Variants in CSMD1 observed in about 807,000 individuals in gnomAD.
CSMD1 encodes the protein CUB and sushi domain-containing protein 1.
Under a neutral mutation model 417.5 loss-of-function variants are expected in CSMD1, and 213 were observed. The observed-to-expected ratio is 0.51, with a 90% CI of 0.46 to 0.57. The LOEUF (loss-of-function observed/expected upper bound fraction) is 0.57. Among genes scored for constraint, CSMD1 ranks in the 20% least tolerant of loss-of-function variants. CSMD1 has a pLI of 0.00. For synonymous variants in CSMD1, 2,862 were observed against 1,736.8 expected (o/e 1.65, Z -16.11); for missense variants, 6,923 against 4,529.7 (o/e 1.53, Z -15.17).
chr8:4,207,851 G>A (rs1241306679), intron 3 of CSMD1, among the ~76,000 whole-genome samples: 2 of 152,100 alleles, frequency 1.3e-5, no homozygotes, highest in African/African-American at 2.4e-5. Context: ...TGATGTCAGT[G>A]ATAATTGGTT....
intron 3 of CSMD1, among the ~76,000 whole-genome samples, chr8:4,235,665 G>C (rs1802002124): frequency 1.3e-5 from 2 of 152,012 alleles, no homozygotes; most frequent in African/African-American, 4.8e-5. Flanking sequence ...TTTTAAAATG[G>C]GTCAGCCTGT....
intron 1 of CSMD1, among the ~76,000 whole-genome samples, chr8:4,728,911 G>A (rs900205824): frequency 6.6e-6 from 1 of 152,204 alleles, no homozygotes; most frequent in South Asian, 2.1e-4. Flanking sequence ...ATTTGTCTTT[G>A]AGCATTACAA....
intron 1 of CSMD1, among the ~76,000 whole-genome samples, chr8:4,881,811 G>T (rs1054810173): frequency 4.0e-5 from 6 of 151,768 alleles, no homozygotes; most frequent in African/African-American, 1.5e-4. Flanking sequence ...AGATGATTTG[G>T]GCCTATAAGT....
chr8:2,977,083 T>C (rs1047534068), intron 55 of CSMD1, among the ~76,000 whole-genome samples: 1 of 152,096 alleles, frequency 6.6e-6, no homozygotes, highest in African/African-American at 2.4e-5. Context: ...AAAAAAAGAT[T>C]TAATAACAAC....
At chr8:3,465,913 C>G (rs73660037) in intron 12 of CSMD1, among the ~76,000 whole-genome samples, 3,353 of 152,134 alleles carry the variant, frequency 0.022, 141 homozygotes, top group African/African-American at 0.076. Flanking sequence ...GAGAAAATGT[C>G]GAGAGCTGTT....
intron 52 of CSMD1, among the ~76,000 whole-genome samples, chr8:3,014,995 A>G: frequency 6.6e-6 from 1 of 151,834 alleles, no homozygotes; most frequent in East Asian, 1.9e-4. Flanking sequence ...TGCTTATTAC[A>G]CACCGTATGT....
intron 3 of CSMD1, among the ~76,000 whole-genome samples, chr8:4,361,302 A>T (rs1279298359): frequency 6.6e-6 from 1 of 152,208 alleles, no homozygotes. Flanking sequence ...AAGATAAAGA[A>T]ACTTATTTTT....
intron 3 of CSMD1, among the ~76,000 whole-genome samples, chr8:4,035,879 G>T (rs1797589591): frequency 6.6e-6 from 1 of 152,116 alleles, no homozygotes; most frequent in Admixed American, 6.6e-5. Flanking sequence ...CCCGTCCGAA[G>T]CCTTCACAGT....
intron 5 of CSMD1, among the ~76,000 whole-genome samples, chr8:3,852,218 G>C (rs1444524421): frequency 6.6e-6 from 1 of 152,188 alleles, no homozygotes; most frequent in Non-Finnish European, 1.5e-5. Flanking sequence ...ACTGGGAATG[G>C]AGGCGCAGGA....
intron 12 of CSMD1, among the ~76,000 whole-genome samples, chr8:3,435,273 C>T (rs1814477394): frequency 6.7e-6 from 1 of 149,476 alleles, no homozygotes; most frequent in Non-Finnish European, 1.5e-5. Context: ...GTTTTCACTG[C>T]ACATATTTCA....
At chr8:3,970,397 T>C (rs142252278) in intron 5 of CSMD1, among the ~76,000 whole-genome samples, 76 of 152,134 alleles carry the variant, frequency 5.0e-4, no homozygotes, top group African/African-American at 1.8e-3. Context: ...TGAAACGAGA[T>C]TGATTAGGAG....
chr8:3,679,132 A>C (rs1799525766), intron 7 of CSMD1, among the ~76,000 whole-genome samples: 1 of 152,154 alleles, frequency 6.6e-6, no homozygotes, highest in Non-Finnish European at 1.5e-5. Context: ...TCAACTAATG[A>C]GCACAATAAC....
intron 1 of CSMD1, among the ~76,000 whole-genome samples, chr8:4,713,621 C>G (rs1263108552): frequency 6.6e-6 from 1 of 151,878 alleles, no homozygotes; most frequent in Non-Finnish European, 1.5e-5. Flanking sequence ...GCATAAAGTT[C>G]TCACATAACA....
intron 7 of CSMD1, among the ~76,000 whole-genome samples, chr8:3,619,811 C>G (rs528310562): frequency 6.6e-6 from 1 of 152,296 alleles, no homozygotes; most frequent in South Asian, 2.1e-4. Context: ...CACGGTGGCT[C>G]ACACAACGTA....
intron 6 of CSMD1, among the ~76,000 whole-genome samples, chr8:3,751,299 A>AGCGTGT (rs1797324530): frequency 7.1e-6 from 1 of 140,288 alleles, no homozygotes; most frequent in South Asian, 2.3e-4. Flanking sequence ...ATACAATTGA[A>AGCGTGT]GTGTGTGTGT....
intron 3 of CSMD1, among the ~76,000 whole-genome samples, chr8:4,134,958 T>C (rs576459695): frequency 1.2e-3 from 183 of 152,314 alleles, no homozygotes; most frequent in Admixed American, 2.3e-3. Flanking sequence ...ACATCTGTTG[T>C]ATACTAGGCA....
intron 5 of CSMD1, among the ~76,000 whole-genome samples, chr8:3,759,139 T>C (rs1024755324): frequency 3.3e-5 from 5 of 152,202 alleles, no homozygotes; most frequent in South Asian, 2.1e-4. Flanking sequence ...GTTTAAGTCA[T>C]TGTATTTGTG....
chr8:3,099,030 C>G (rs935513285), intron 46 of CSMD1, among the ~76,000 whole-genome samples: 2 of 152,100 alleles, frequency 1.3e-5, no homozygotes, highest in East Asian at 1.9e-4. Context: ...GACACTCCCC[C>G]CAAACCCCTC....
intron 12 of CSMD1, among the ~76,000 whole-genome samples, chr8:3,467,573 AT>A (rs1360982763): frequency 2.6e-5 from 4 of 152,346 alleles, no homozygotes; most frequent in Admixed American, 2.6e-4. Context: ...CACAAGGGTC[AT>A]TAAGTCCCCA....
Sources: allele counts gnomAD v4.1 joint callset (sites outside exome capture counted in the v4.1 genomes callset), GRCh38; gene constraint gnomAD v4.1.1; transcripts MANE v1.5; gene names NCBI Gene and HGNC (gene_info 2026-07-23, HGNC 2026-07-21).